OR5K1: variants seen among roughly 807,000 people sequenced by gnomAD.
The protein encoded by OR5K1 is olfactory receptor family 5 subfamily K member 1.
A neutral mutation model predicts 10.4 loss-of-function variants in OR5K1; 7 were observed. The observed-to-expected ratio is 0.67, with a 90% confidence interval of 0.38 to 1.26. The LOEUF (loss-of-function observed/expected upper bound fraction) is 1.26, where lower values mean the gene tolerates loss of function less well. OR5K1 is among the 50% of genes most tolerant of loss of function. OR5K1 has a pLI of 0.02. For synonymous variants in OR5K1, 135 were observed against 128.5 expected (o/e 1.05, Z -0.34); for missense variants, 435 against 366.2 (o/e 1.19, Z -1.53).
Position 98,470,349 on chromosome 3 carries a change from T to G in OR5K1, c.773T>G (p.Met258Arg), listed in dbSNP as rs1705432133. The stretch of plus-strand genomic sequence containing the variant: ...TTATTCTATGGATCTCTTTTCTTCA[T>G]GTACGTTAGACCAAATTTGCTTGAA... ...VSLFYGSLFF[M>R]YVRPNLLEEG... Residue 258 changes from methionine to arginine, a missense_variant, in exon 2 of 2, where the codon ATG becomes AGG. Transcript: ENST00000642057. 1 of 1,613,314 alleles carries G rather than the reference T, an allele frequency of 6.2e-7. No individual in the cohort carries two copies.
chr3:98,469,179 G>A (rs962307452), intron 1 of OR5K1, among the ~76,000 whole-genome samples: 1 of 152,022 alleles, frequency 6.6e-6, no homozygotes, highest in Admixed American at 6.6e-5. Flanking sequence ...AACTAATGAA[G>A]GAACAGAAAA....
chr3:98,466,801 C>T (rs188575628), intron 1 of OR5K1, among the ~76,000 whole-genome samples: 2,828 of 133,690 alleles, frequency 0.021, 154 homozygotes, highest in African/African-American at 0.089. Context: ...GGATATTAGC[C>T]GTTTGTCAGA....
chr3:98,468,189 C>G (rs2107090728), intron 1 of OR5K1, among the ~76,000 whole-genome samples: 1 of 152,100 alleles, frequency 6.6e-6, no homozygotes, highest in African/African-American at 2.4e-5. Flanking sequence ...CCTCCCCACC[C>G]CAGAGGGGTA....
chr3:98,469,803 C>G lies in OR5K1; in HGVS notation c.227C>G (p.Ala76Gly), dbSNP rs749827383. 1 of 1,613,742 alleles carries G rather than the reference C, an allele frequency of 6.2e-7. No homozygotes were observed. The highest frequency in any genetic ancestry group is 1.1e-5 in the South Asian group (1 of 91,070). Residue 76 changes from alanine (A) to glycine (G), a missense_variant, in exon 2 of 2, where the codon GCT becomes GGT. By Grantham distance (60) the Ala-to-Gly change is moderately conservative. Transcript: ENST00000642057. Reference protein sequence around the residue: ...LALVDSCCACAITPKMLENFF... With the variant: ...LALVDSCCACGITPKMLENFF... ...CTTGTGGATTCTTGCTGTGCCTGTGCTATTACCCCCAAAATGTTAGAGAAC... is the reference window on the plus strand; with the variant it reads ...CTTGTGGATTCTTGCTGTGCCTGTGGTATTACCCCCAAAATGTTAGAGAAC...
At chr3:98,467,910 T>A (rs1331007102) in intron 1 of OR5K1, among the ~76,000 whole-genome samples, 7 of 150,768 alleles carry the variant, frequency 4.6e-5, no homozygotes, top group African/African-American at 7.3e-5. Context: ...CCTGCCTGAT[T>A]GCCCTGGCCA....
chr3:98,466,027 T>G (rs947563108), intron 1 of OR5K1, among the ~76,000 whole-genome samples: 3 of 151,990 alleles, frequency 2.0e-5, no homozygotes, highest in Non-Finnish European at 4.4e-5. Context: ...TAGGTATATC[T>G]CCCAATGCTA....
rs1437241435 is a variant in OR5K1, at chr3:98,467,151, T to A, written c.-11-2415T>A. Among the ~76,000 whole-genome samples the A allele has an allele frequency of 3.9e-5, 4 of 102,318 alleles. 2 individuals carry two copies. Among genetic ancestry groups the A allele is most frequent in the Non-Finnish European group, 7.7e-5 (4 of 52,188 alleles). 67.1% of individuals were successfully genotyped at this position (102,318 alleles called of 152,430 possible). On this transcript the variant is annotated intron_variant, in intron 1 of 1. Coordinates refer to ENST00000642057, the MANE Select transcript of OR5K1 (RefSeq NM_001004736.4). ...AGTTTTCCCAGCACCATTTATTAAATAGGGAATCCTTTCCCCATTGCTTGT... is the reference window on the plus strand; with the variant it reads ...AGTTTTCCCAGCACCATTTATTAAAAAGGGAATCCTTTCCCCATTGCTTGT...
In OR5K1 at chr3:98,471,573, A is replaced by G. The variant is rs1462941238; in HGVS notation, c.*1070A>G. ...TTCTGGGTGTTGGGCCATATCAGTT[A>G]CAAAAAATGCCAGTTTTTCCATCTT... On this transcript the variant is annotated 3_prime_UTR_variant, in exon 2 of 2. Coordinates refer to ENST00000642057, the MANE Select transcript of OR5K1 (RefSeq NM_001004736.4). 1 of 152,048 alleles carries G rather than the reference A, an allele frequency of 6.6e-6. No individual in the cohort carries two copies. Among genetic ancestry groups the G allele is most frequent in the Non-Finnish European group, 1.5e-5 (1 of 67,980 alleles). The allele number at this position is 152,048 out of a possible 1,614,324, so 9.4% of individuals were successfully genotyped here.
In OR5K1 at chr3:98,470,222, A is replaced by G; in HGVS notation, c.646A>G (p.Ile216Val). Residue 216 changes from isoleucine (I) to valine (V), a missense_variant, in exon 2 of 2, where the codon ATA becomes GTA. Coordinates refer to ENST00000642057, the MANE Select transcript of OR5K1 (RefSeq NM_001004736.4). The stretch of plus-strand genomic sequence containing the variant: ...AGTCTTTACCATAGGTAGTGTCTTA[A>G]TATCTTATCTCTATATTCTTCTTAC... ...VQVFTIGSVL[I>V]SYLYILLTIF... 6.2e-7 allele frequency: 1 copy of G among 1,613,188 alleles called. No homozygotes were observed. Among genetic ancestry groups the G allele is most frequent in the South Asian group, 1.1e-5 (1 of 91,028 alleles).
At position 98,469,674 on chromosome 3, in the gene OR5K1, C is replaced by A; in HGVS notation, c.98C>A (p.Ala33Asp). The change falls in exon 2 of 2, where the codon GCC becomes GAC. Residue 33 changes from alanine to aspartate, a missense_variant. Ala to Asp is a moderately radical substitution (Grantham distance 126). Coordinates refer to ENST00000642057, the MANE Select transcript of OR5K1 (RefSeq NM_001004736.4). ...LKTLLFVVFF[A>D]IYLITVVGNI... ...ACTCTGCTGTTTGTGGTGTTCTTTGCCATCTATCTGATCACCGTGGTGGGG... is the reference window on the plus strand; with the variant it reads ...ACTCTGCTGTTTGTGGTGTTCTTTGACATCTATCTGATCACCGTGGTGGGG... 6.2e-7 allele frequency: 1 copy of A among 1,613,642 alleles called. No homozygotes were observed. Among genetic ancestry groups the A allele is most frequent in the Non-Finnish European group, 8.5e-7 (1 of 1,179,754 alleles).
At position 98,471,161 on chromosome 3, in the gene OR5K1, A is replaced by G. The variant is rs1705441996; in HGVS notation, c.*658A>G. 6.6e-6 allele frequency: 1 copy of G among 152,074 alleles called. No homozygotes were observed. The highest frequency in any genetic ancestry group is 1.5e-5 in the Non-Finnish European group (1 of 68,010). The allele number at this position is 152,074 out of a possible 1,614,324, so 9.4% of individuals were successfully genotyped here. ...TCAATTTTCAAGTCAAGCTACATTA[A>G]GAGAGTTTTATCTACTCCCATATCT... On this transcript the variant is annotated 3_prime_UTR_variant, in exon 2 of 2. Coordinates refer to ENST00000642057, the MANE Select transcript of OR5K1 (RefSeq NM_001004736.4).
In OR5K1 at chr3:98,469,848, G is replaced by T. The variant is rs750113965; in HGVS notation, c.272G>T (p.Arg91Met). 3 of 1,613,542 alleles carry T rather than the reference G, an allele frequency of 1.9e-6. No homozygotes were observed. The highest frequency in any genetic ancestry group is 3.3e-5 in the Admixed American group (2 of 59,902). ...GAGAACTTCTTTTCTGAGAACAAAAGGATTTCCCTCTATGAATGTGCAGTA... is the reference window on the plus strand; with the variant it reads ...GAGAACTTCTTTTCTGAGAACAAAATGATTTCCCTCTATGAATGTGCAGTA... ...MLENFFSENK[R>M]ISLYECAVQF... The change falls in exon 2 of 2, where the codon AGG (arginine) becomes ATG (methionine). Residue 91 changes from arginine (R) to methionine (M), a missense_variant. Physicochemically the swap from Arg to Met is moderately conservative, Grantham distance 91. Coordinates refer to ENST00000642057, the MANE Select transcript of OR5K1 (RefSeq NM_001004736.4).
At chr3:98,468,205 A>G (rs1705397757) in intron 1 of OR5K1, among the ~76,000 whole-genome samples, 1 of 152,016 alleles carries the variant, frequency 6.6e-6, no homozygotes, top group Non-Finnish European at 1.5e-5. Context: ...GGGTAAAAAT[A>G]CCTTAAAAAT....
In OR5K1 at chr3:98,469,710, T is replaced by C. The variant is rs200654905; in HGVS notation, c.134T>C (p.Leu45Ser). ...ATCACCGTGGTGGGGAATATTAGTT[T>C]GGTGGCACTGATATTTACACACCGT... ...YLITVVGNIS[L>S]VALIFTHRRL... The change falls in exon 2 of 2, where the codon TTG becomes TCG. Residue 45 changes from leucine (L) to serine (S), a missense_variant. Physicochemically the swap from Leu to Ser is moderately radical, Grantham distance 145. Coordinates refer to ENST00000642057, the MANE Select transcript of OR5K1 (RefSeq NM_001004736.4). The C allele has an allele frequency of 8.8e-3, 14,222 of 1,613,796 alleles. 86 individuals are homozygous for C. The highest frequency in any genetic ancestry group is 0.017 in the Middle Eastern group (102 of 6,060).
At chr3:98,468,411 A>G (rs1277473849) in intron 1 of OR5K1, among the ~76,000 whole-genome samples, 1 of 152,144 alleles carries the variant, frequency 6.6e-6, no homozygotes, top group East Asian at 1.9e-4. Context: ...TTGTATTAAT[A>G]CAGCCATCAC....
chr3:98,465,111 A>T (rs1474816685), intron 1 of OR5K1, among the ~76,000 whole-genome samples: 1 of 152,192 alleles, frequency 6.6e-6, no homozygotes, highest in Non-Finnish European at 1.5e-5. Context: ...GCCGAAAAAT[A>T]ATTGACCTCT....
intron 1 of OR5K1, among the ~76,000 whole-genome samples, chr3:98,464,926 G>A (rs1460248795): frequency 1.3e-5 from 2 of 152,152 alleles, no homozygotes; most frequent in East Asian, 1.9e-4. Context: ...CAGTAGAATT[G>A]TGAAGTGCAG....
intron 1 of OR5K1, among the ~76,000 whole-genome samples, chr3:98,465,891 T>A (rs928652184): frequency 1.6e-5 from 1 of 64,514 alleles, no homozygotes; most frequent in Admixed American, 1.7e-4. Flanking sequence ...AAATTTGTCT[T>A]TTTTTTTTAA....
rs1018667063 is a variant in OR5K1, at chr3:98,471,973, A to G, written c.*1470A>G. On this transcript the variant is annotated 3_prime_UTR_variant, in exon 2 of 2. Transcript: ENST00000642057. ...GTTTCAAATTAAATTCCATCAATTT[A>G]GGATTTACCCAACACTACCTACATC... The G allele has an allele frequency of 1.3e-5, 2 of 152,056 alleles. No homozygotes were observed. The highest frequency in any genetic ancestry group is 2.4e-5 in the African/African-American group (1 of 41,422). 9.4% of individuals were successfully genotyped at this position (152,056 alleles called of 1,614,324 possible).
Sources: gnomAD v4.1 joint callset for allele counts (sites outside exome capture counted in the v4.1 genomes callset) on GRCh38, gnomAD v4.1.1 for gene constraint, MANE v1.5 for transcripts, NCBI Gene and HGNC (gene_info 2026-07-23, HGNC 2026-07-21) for gene names.